The following PEX14 variants were observed in gnomAD, a reference collection of about 807,000 sequenced individuals.
The protein encoded by PEX14 is peroxisomal biogenesis factor 14.
In PEX14, 15 loss-of-function variants were observed where a neutral mutation model predicts 49.5. That is an observed-to-expected ratio of 0.30 (90% CI 0.20 to 0.47). The LOEUF is 0.47. Ranked by LOEUF, PEX14 falls within the 20% of genes least tolerant of loss-of-function variation. PEX14 has a pLI of 1.00. For synonymous variants in PEX14, 210 were observed against 212.7 expected (o/e 0.99, Z 0.11); for missense variants, 398 against 494.8 (o/e 0.80, Z 1.86).
At chr1:10,582,315 G>A (rs888107715) in intron 3 of PEX14, among the ~76,000 whole-genome samples, 2 of 152,138 alleles carry the variant, frequency 1.3e-5, no homozygotes, top group Non-Finnish European at 1.5e-5. Flanking sequence ...ATTATTTGGT[G>A]AATGACCACT....
intron 4 of PEX14, among the ~76,000 whole-genome samples, chr1:10,611,577 A>G (rs940826394): frequency 6.6e-6 from 1 of 152,202 alleles, no homozygotes; most frequent in Non-Finnish European, 1.5e-5. Context: ...ATTTCCCAAA[A>G]TGGTTGTAGC....
intron 3 of PEX14, among the ~76,000 whole-genome samples, chr1:10,577,564 T>A (rs866545377): frequency 0.15 from 354 of 2,352 alleles, 6 homozygotes; most frequent in African/African-American, 0.23. Flanking sequence ...ATATATATAT[T>A]TTTTTTTTTT....
At chr1:10,594,082 G>A (rs950933696) in intron 3 of PEX14, among the ~76,000 whole-genome samples, 1 of 152,136 alleles carries the variant, frequency 6.6e-6, no homozygotes, top group Non-Finnish European at 1.5e-5. Flanking sequence ...TTTATACAAG[G>A]CACTGGGAAA....
intron 3 of PEX14, among the ~76,000 whole-genome samples, chr1:10,572,008 A>G (rs1462939654): frequency 6.6e-6 from 1 of 152,172 alleles, no homozygotes; most frequent in East Asian, 1.9e-4. Context: ...CGGAGCTTCC[A>G]GTTTATGTAG....
At chr1:10,624,055 C>T (rs532566242) in intron 6 of PEX14, among the ~76,000 whole-genome samples, 5 of 152,180 alleles carry the variant, frequency 3.3e-5, no homozygotes, top group Non-Finnish European at 5.9e-5. Flanking sequence ...GAGAGCTCAG[C>T]AAATCATAGC....
intron 3 of PEX14, among the ~76,000 whole-genome samples, chr1:10,587,895 CTTTTTTTTTTTTTT>C (rs762006360): frequency 1.8e-5 from 1 of 54,388 alleles, no homozygotes; most frequent in Non-Finnish European, 3.2e-5. Context: ...CACACATGTG[CTTTTTTTTTTTTTT>C]TTTTTTTTTT....
At chr1:10,477,594 A>G (rs529865583) in intron 1 of PEX14, among the ~76,000 whole-genome samples, 1 of 152,322 alleles carries the variant, frequency 6.6e-6, no homozygotes, top group South Asian at 2.1e-4. Context: ...CTGAGCCAGT[A>G]TTCTGTCTTT....
chr1:10,520,182 A>G (rs1420565296), intron 2 of PEX14, among the ~76,000 whole-genome samples: 2 of 84,448 alleles, frequency 2.4e-5, no homozygotes, highest in Admixed American at 2.8e-4. Context: ...ACTAGAGACA[A>G]GGTCTCACTC....
intron 1 of PEX14, among the ~76,000 whole-genome samples, chr1:10,483,319 T>C (rs1641314096): frequency 6.6e-6 from 1 of 151,934 alleles, no homozygotes; most frequent in African/African-American, 2.4e-5. Context: ...GGCCAAGTTT[T>C]TCTTTTTTTC....
chr1:10,563,573 C>T (rs893409627), intron 3 of PEX14, among the ~76,000 whole-genome samples: 3 of 151,834 alleles, frequency 2.0e-5, no homozygotes, highest in Non-Finnish European at 4.4e-5. Flanking sequence ...TGCTGTGAGC[C>T]GAGATCGTGC....
intron 2 of PEX14, among the ~76,000 whole-genome samples, chr1:10,496,674 T>A (rs990977739): frequency 1.2e-4 from 18 of 152,104 alleles, no homozygotes; most frequent in African/African-American, 4.3e-4. Flanking sequence ...GCTCACTGAT[T>A]TCTGGTATTT....
chr1:10,585,024 T>C (rs1171235592), intron 3 of PEX14, among the ~76,000 whole-genome samples: 2 of 152,058 alleles, frequency 1.3e-5, no homozygotes, highest in African/African-American at 2.4e-5. Context: ...AAATTTCTCA[T>C]TTATATCACA....
At chr1:10,522,779 G>A (rs768595544) in intron 2 of PEX14, among the ~76,000 whole-genome samples, 6 of 152,176 alleles carry the variant, frequency 3.9e-5, no homozygotes, top group Non-Finnish European at 5.9e-5. Context: ...GGATAGTTAC[G>A]TTTTCTGGAT....
intron 4 of PEX14, chr1:10,617,130 A>C (rs1641447565): frequency 6.6e-6 from 1 of 152,078 alleles, no homozygotes; most frequent in South Asian, 2.1e-4. Context: ...AGATTACTTA[A>C]TACAAATAAA....
In PEX14 at chr1:10,495,261, T is replaced by G; in HGVS notation, c.37-13T>G. 1 of 1,613,010 alleles carries G rather than the reference T, an allele frequency of 6.2e-7. No individual in the cohort carries two copies. Among genetic ancestry groups the G allele is most frequent in the South Asian group, 1.1e-5 (1 of 91,034 alleles). On this transcript the variant is annotated splice_polypyrimidine_tract_variant and intron_variant, in intron 1 of 8. Coordinates refer to ENST00000356607, the MANE Select transcript of PEX14 (RefSeq NM_004565.3). The surrounding 1 kb of genome is among the most constrained non-coding windows in gnomAD (Gnocchi z 4.2). ...CACTGTGATCTTATTTTTGTTTCCA[T>G]TTTTCTCTGCAGCCAAGCTCTACTC... is the stretch of plus-strand genomic sequence containing the variant.
chr1:10,554,301 C>A (rs1187870457), intron 3 of PEX14, among the ~76,000 whole-genome samples: 1 of 43,932 alleles, frequency 2.3e-5, no homozygotes, highest in African/African-American at 4.9e-5. Flanking sequence ...GAGACTCCGT[C>A]TCAAAAAAAA....
chr1:10,527,950 C>T (rs917125294), intron 2 of PEX14, among the ~76,000 whole-genome samples: 2 of 152,200 alleles, frequency 1.3e-5, no homozygotes, highest in Non-Finnish European at 2.9e-5. Context: ...GGATTACAAG[C>T]GTGAGCCACT....
At chr1:10,497,990 A>G (rs1485323492) in intron 2 of PEX14, among the ~76,000 whole-genome samples, 1 of 152,222 alleles carries the variant, frequency 6.6e-6, no homozygotes, top group Non-Finnish European at 1.5e-5. Context: ...TTAAAAAAGT[A>G]AGTTACTGGC....
intron 2 of PEX14, chr1:10,516,949 G>C (rs1641979761): frequency 6.6e-6 from 1 of 152,294 alleles, no homozygotes; most frequent in Non-Finnish European, 1.5e-5. Flanking sequence ...TTTGTTTTAA[G>C]ATGGCAGAGC....
Sources: allele counts gnomAD v4.1 joint callset (sites outside exome capture counted in the v4.1 genomes callset), GRCh38; gene constraint gnomAD v4.1.1; non-coding constraint Gnocchi (gnomAD v3.1); transcripts MANE v1.5; gene names NCBI Gene and HGNC (gene_info 2026-07-23, HGNC 2026-07-21).